GFM2: variants seen among roughly 807,000 people sequenced by gnomAD.
GFM2 encodes the protein ribosome-releasing factor 2, mitochondrial.
A neutral mutation model predicts 95.4 loss-of-function variants in GFM2; 72 were observed. The ratio of observed to expected loss-of-function variants is 0.76; its 90% CI spans 0.62 to 0.92. The LOEUF is 0.92. Among genes scored for constraint, GFM2 ranks in the 40% least tolerant of loss-of-function variants. The pLI is 0.00. For missense variants in GFM2, 825 were observed against 924.1 expected (o/e 0.89, Z 1.39); for synonymous variants, 276 against 317.5 (o/e 0.87, Z 1.39).
At chr5:74,753,345 C>T (rs796675442) in intron 5 of GFM2, among the ~76,000 whole-genome samples, 2 of 152,274 alleles carry the variant, frequency 1.3e-5, no homozygotes, top group South Asian at 2.1e-4. Context: ...CACCTGTAAT[C>T]CCAGCACTTT....
intron 10 of GFM2, among the ~76,000 whole-genome samples, chr5:74,743,693 A>G (rs912842165): frequency 1.3e-5 from 2 of 152,210 alleles, no homozygotes; most frequent in African/African-American, 4.8e-5. Flanking sequence ...AGAGGAATGA[A>G]TTATTAATAA....
intron 19 of GFM2, among the ~76,000 whole-genome samples, chr5:74,724,684 TA>T (rs2112207255): frequency 6.6e-6 from 1 of 152,304 alleles, no homozygotes; most frequent in African/African-American, 2.4e-5. Flanking sequence ...TTTCTTAGGT[TA>T]GGGGTTTGGA....
At chr5:74,740,227 T>C (rs1743047580) in intron 11 of GFM2, 90 bp from the exon 12 acceptor site, 1 of 988,764 alleles carries the variant, frequency 1.0e-6, no homozygotes, top group Non-Finnish European at 1.5e-6. Context: ...ACCAGCCATG[T>C]AACCAGCACT....
intron 15 of GFM2, chr5:74,736,479 GAATCAGTTACTGTCTAATCT>G (rs1742839924): frequency 1.3e-5 from 13 of 984,992 alleles, no homozygotes; most frequent in African/African-American, 3.5e-5. Context: ...AATTGGTTAT[GAATCAGTTACTGTCTAATCT>G]AATATACTAG....
intron 1 of GFM2, among the ~76,000 whole-genome samples, chr5:74,764,670 T>C (rs1284452759): frequency 5.3e-5 from 8 of 152,072 alleles, no homozygotes. Flanking sequence ...TACTCCTAAG[T>C]CTGTTCTTTC....
intron 14 of GFM2, among the ~76,000 whole-genome samples, chr5:74,737,197 A>G (rs1742880220): frequency 6.6e-6 from 1 of 152,248 alleles, no homozygotes; most frequent in African/African-American, 2.4e-5. Flanking sequence ...CTGTTGTAAT[A>G]AATTCTAACA....
At chr5:74,743,985 A>C (rs890204592) in intron 10 of GFM2, among the ~76,000 whole-genome samples, 1 of 152,188 alleles carries the variant, frequency 6.6e-6, no homozygotes. Flanking sequence ...CAAAAATAAC[A>C]ATTATTATGT....
chr5:74,752,222 A>C (rs1743753537), intron 5 of GFM2, among the ~76,000 whole-genome samples: 1 of 152,208 alleles, frequency 6.6e-6, no homozygotes, highest in South Asian at 2.1e-4. Context: ...AGTTCACTGA[A>C]ATTATTGTGC....
intron 4 of GFM2, 76 bp downstream of exon 4, chr5:74,759,293 A>T: frequency 1.2e-6 from 1 of 823,114 alleles, no homozygotes; most frequent in Non-Finnish European, 2.0e-6. Context: ...TACAGCATTC[A>T]CTCTTGTCCA....
chr5:74,731,951 TTTA>T (rs547691406), intron 16 of GFM2, among the ~76,000 whole-genome samples: 277 of 151,282 alleles, frequency 1.8e-3, no homozygotes, highest in African/African-American at 6.3e-3. Flanking sequence ...TTTTATTTTA[TTTA>T]TTTTTATTTA....
chr5:74,745,577 G>T, intron 10 of GFM2, 101 bp downstream of exon 10: 1 of 909,010 alleles, frequency 1.1e-6, no homozygotes, highest in Admixed American at 2.9e-5. Flanking sequence ...GTATCCACAG[G>T]AGGTCCTGCA....
At position 74,745,769 on chromosome 5, in the gene GFM2, C is replaced by T; in HGVS notation, c.758G>A (p.Gly253Glu). The T allele has an allele frequency of 1.2e-6, 2 of 1,613,618 alleles. No individual in the cohort carries two copies. Among genetic ancestry groups the T allele is most frequent in the Non-Finnish European group, 1.7e-6 (2 of 1,179,712 alleles). The change falls in exon 10 of 21, where the codon GGA (glycine) becomes GAA (glutamate). Residue 253 changes from glycine to glutamate, a missense_variant. By Grantham distance (98) the Gly-to-Glu change is moderately conservative (BLOSUM62 -2). Transcript: ENST00000296805. Reference protein sequence around the residue: ...KLLWNCNSNDGKDFERKPLLE... With the variant: ...KLLWNCNSNDEKDFERKPLLE... ...GAGGGGCTTTCTCTCAAAGTCTTTT[C>T]CATCATTTGAATTGCAATTCCAAAG... is the stretch of plus-strand genomic sequence containing the variant.
chr5:74,751,763 T>C (rs1296292390), intron 5 of GFM2, among the ~76,000 whole-genome samples: 3 of 152,200 alleles, frequency 2.0e-5, no homozygotes, highest in African/African-American at 7.2e-5. Context: ...ACTTCTTTTA[T>C]TTCTTACATA....
chr5:74,761,046 T>A, intron 2 of GFM2, 60 bp from the exon 3 acceptor site: 1 of 923,136 alleles, frequency 1.1e-6, no homozygotes, highest in Non-Finnish European at 1.7e-6. Flanking sequence ...TATTACAGTG[T>A]TAATATTGTA....
At chr5:74,725,553 C>G in intron 19 of GFM2, 87 bp downstream of exon 19, 1 of 822,812 alleles carries the variant, frequency 1.2e-6, no homozygotes, top group Non-Finnish European at 2.0e-6. Context: ...CAAGATAAGG[C>G]TCTGTAAACA....
chr5:74,725,590 A>G (rs565872559), intron 19 of GFM2, 50 bp downstream of exon 19: 3 of 1,230,968 alleles, frequency 2.4e-6, no homozygotes, highest in South Asian at 2.4e-5. Context: ...CAGTGGTACT[A>G]TACTCAGAAG....
intron 8 of GFM2, among the ~76,000 whole-genome samples, chr5:74,746,821 A>C (rs562359044): frequency 1.2e-3 from 182 of 152,146 alleles, no homozygotes; most frequent in Non-Finnish European, 1.7e-3. Flanking sequence ...AGGAACTCCA[A>C]GCAGAAAAGG....
At chr5:74,738,217 T>A (rs1463059534) in intron 14 of GFM2, 101 bp downstream of exon 14, 1 of 815,698 alleles carries the variant, frequency 1.2e-6, no homozygotes, top group African/African-American at 1.7e-5. Flanking sequence ...CTACTATTGA[T>A]GGACATTTGG....
intron 3 of GFM2, among the ~76,000 whole-genome samples, chr5:74,759,662 C>A (rs1048725800): frequency 6.6e-6 from 1 of 152,096 alleles, no homozygotes; most frequent in Non-Finnish European, 1.5e-5. Flanking sequence ...ATCATATCCT[C>A]AGAAAAATAC....
Sources: allele counts gnomAD v4.1 joint callset (sites outside exome capture counted in the v4.1 genomes callset), GRCh38; gene constraint gnomAD v4.1.1; transcripts MANE v1.5; gene names NCBI Gene and HGNC (gene_info 2026-07-23, HGNC 2026-07-21).